The following MAP2K6 variants were observed in gnomAD, a reference collection of about 807,000 sequenced individuals.
MAP2K6 encodes mitogen-activated protein kinase kinase 6, also known as dual specificity mitogen-activated protein kinase kinase 6.
A neutral mutation model predicts 53.7 loss-of-function variants in MAP2K6; 16 were observed. That is an observed-to-expected ratio of 0.30 (90% CI 0.20 to 0.45). The LOEUF is 0.45. Among genes scored for constraint, MAP2K6 ranks in the 20% least tolerant of loss-of-function variants. The probability of loss-of-function intolerance (pLI) is 1.00; values close to 1 mark genes in which losing one functional copy is unlikely to be tolerated. For missense variants in MAP2K6, 204 were observed against 411.9 expected, an observed-to-expected ratio of 0.50 and a Z score of 4.37; for synonymous variants, 132 against 143.1, an observed-to-expected ratio of 0.92 and a Z score of 0.55.
intron 2 of MAP2K6, among the ~76,000 whole-genome samples, chr17:69,510,831 G>C (rs1909773215): frequency 6.7e-6 from 1 of 150,152 alleles, no homozygotes; most frequent in East Asian, 2.0e-4. Context: ...CTGATAATTT[G>C]TGTCTTCTTT....
chr17:69,527,143 A>G (rs1483728229), intron 10 of MAP2K6, among the ~76,000 whole-genome samples: 1 of 152,214 alleles, frequency 6.6e-6, no homozygotes, highest in Non-Finnish European at 1.5e-5. Flanking sequence ...CCTTTATGTG[A>G]GCTTTAAGCA....
chr17:69,474,138 G>C (rs1486936440), intron 1 of MAP2K6, among the ~76,000 whole-genome samples: 1 of 152,196 alleles, frequency 6.6e-6, no homozygotes, highest in African/African-American at 2.4e-5. Context: ...ATGGGCAAGG[G>C]CTACATGTTT....
chr17:69,432,098 CTGAAAGGAAATGCATTAAGCAAA>C (rs1206237935), intron 1 of MAP2K6, among the ~76,000 whole-genome samples: 1 of 152,114 alleles, frequency 6.6e-6, no homozygotes, highest in African/African-American at 2.4e-5. Flanking sequence ...CATACGCAGA[CTGAAAGGAAATGCATTAAGCAAA>C]TGAAAGGAAC....
chr17:69,540,837 C>A (rs928581353), intron 11 of MAP2K6, among the ~76,000 whole-genome samples: 9 of 152,216 alleles, frequency 5.9e-5, no homozygotes, highest in Non-Finnish European at 1.2e-4. Flanking sequence ...AAGCTCGTGG[C>A]TTGGCAAATG....
chr17:69,530,193 G>A (rs1054509855), intron 10 of MAP2K6, among the ~76,000 whole-genome samples: 1 of 151,974 alleles, frequency 6.6e-6, no homozygotes, highest in African/African-American at 2.4e-5. Context: ...TGTGCACCTG[G>A]GGACCCAGCT....
intron 1 of MAP2K6, among the ~76,000 whole-genome samples, chr17:69,484,306 A>G (rs146690603): frequency 1.3e-5 from 2 of 152,208 alleles, no homozygotes; most frequent in East Asian, 1.9e-4. Context: ...AGATCTATAA[A>G]TGGCCAATAA....
Position 69,511,715 on chromosome 17 carries a change from C to A in MAP2K6, c.84-5140C>A, listed in dbSNP as rs142136326. On this transcript the variant is annotated intron_variant, in intron 2 of 11. Transcript: ENST00000590474. ...AGCTTCATGGGTAAGAGTTCAGGGT[C>A]TGGAGCCAGAACACTTAGGTTTATA... Among the ~76,000 whole-genome samples, 66 of 152,302 alleles carry A rather than the reference C, an allele frequency of 4.3e-4. No homozygotes were observed. In the South Asian group the frequency reaches 7.7e-3, roughly 18 times the overall value.
chr17:69,438,163 G>T (rs1906707803), intron 1 of MAP2K6, among the ~76,000 whole-genome samples: 1 of 152,200 alleles, frequency 6.6e-6, no homozygotes, highest in African/African-American at 2.4e-5. Context: ...CACATGAATG[G>T]CTGACTTGTT....
At chr17:69,518,650 G>A (rs963961854) in intron 4 of MAP2K6, among the ~76,000 whole-genome samples, 11 of 152,144 alleles carry the variant, frequency 7.2e-5, no homozygotes, top group Non-Finnish European at 1.3e-4. Flanking sequence ...TTTAAAGAAT[G>A]GGAATACTTT....
intron 1 of MAP2K6, among the ~76,000 whole-genome samples, chr17:69,446,976 C>CTT (rs71357721): frequency 9.3e-5 from 12 of 129,518 alleles, no homozygotes; most frequent in Admixed American, 1.6e-4. Flanking sequence ...ACCTCTGTTT[C>CTT]TTTTTTTTTT....
At chr17:69,459,295 C>T (rs1364658900) in intron 1 of MAP2K6, among the ~76,000 whole-genome samples, 1 of 151,960 alleles carries the variant, frequency 6.6e-6, no homozygotes, top group Non-Finnish European at 1.5e-5. Context: ...CTAGAATTTT[C>T]CCTTGTTTTC....
At chr17:69,503,146 C>T (rs1002595011) in intron 1 of MAP2K6, among the ~76,000 whole-genome samples, 9 of 152,262 alleles carry the variant, frequency 5.9e-5, no homozygotes, top group African/African-American at 1.9e-4. Context: ...GTAGGGTCGC[C>T]TTTTGGGATT....
intron 1 of MAP2K6, among the ~76,000 whole-genome samples, chr17:69,468,491 C>T (rs939819515): frequency 3.3e-5 from 5 of 152,174 alleles, no homozygotes; most frequent in African/African-American, 4.8e-5. Context: ...AAGCTGTGTA[C>T]GCAAACATAA....
chr17:69,466,344 C>T (rs944373136), intron 1 of MAP2K6, among the ~76,000 whole-genome samples: 3 of 151,924 alleles, frequency 2.0e-5, no homozygotes, highest in African/African-American at 7.3e-5. Context: ...CTTTCCACCC[C>T]CTTCCTCTAG....
chr17:69,506,533 A>G (rs529491918), intron 2 of MAP2K6, among the ~76,000 whole-genome samples: 5 of 152,122 alleles, frequency 3.3e-5, no homozygotes, highest in Admixed American at 6.5e-5. Context: ...TTCCAAGGAA[A>G]CTCACAATAG....
chr17:69,495,245 A>G (rs1363483932), intron 1 of MAP2K6, among the ~76,000 whole-genome samples: 1 of 148,140 alleles, frequency 6.8e-6, no homozygotes, highest in Non-Finnish European at 1.5e-5. Flanking sequence ...TCTTTTATTT[A>G]TTTTTTTTTT....
Position 69,428,864 on chromosome 17 carries a change from GT to G in MAP2K6, c.16+13878del, listed in dbSNP as rs761660743. 3.3e-3 allele frequency among the ~76,000 whole-genome samples: 154 copies of G among 46,256 alleles called. 2 individuals are homozygous for G. The highest frequency in any genetic ancestry group is 5.4e-3 in the Non-Finnish European group (101 of 18,674). 30.3% of individuals were successfully genotyped at this position (46,256 alleles called of 152,430 possible). A position where few individuals can be genotyped will look rare whatever the true frequency, so the allele number is the denominator to read the frequency against. On this transcript the variant is annotated intron_variant, in intron 1 of 11. Transcript: ENST00000590474. ...TGCCCTTTCTTCTGTTTTTGTTTTT[GT>G]TTTTTTTTTTTTTAATTGTTAATGA...
intron 1 of MAP2K6, among the ~76,000 whole-genome samples, chr17:69,449,549 C>CTTTCTTTCT (rs1907115907): frequency 1.0e-5 from 1 of 96,688 alleles, no homozygotes; most frequent in Non-Finnish European, 2.0e-5. Flanking sequence ...TTCTTTCTTT[C>CTTTCTTTCT]TTTCTTTCTT....
At chr17:69,498,620 G>T (rs909785471) in intron 1 of MAP2K6, among the ~76,000 whole-genome samples, 1 of 135,648 alleles carries the variant, frequency 7.4e-6, no homozygotes, top group Middle Eastern at 4.1e-3. Flanking sequence ...CACCCAGCAC[G>T]CCTGGAAGCC....
Sources: allele counts gnomAD v4.1 joint callset (sites outside exome capture counted in the v4.1 genomes callset), GRCh38; gene constraint gnomAD v4.1.1; transcripts MANE v1.5; gene names NCBI Gene and HGNC (gene_info 2026-07-23, HGNC 2026-07-21).